Variants in PTGR2 observed in about 807,000 individuals in gnomAD.
The protein encoded by PTGR2 is 15-oxoprostaglandin 13-reductase.
In PTGR2, 32 loss-of-function variants were observed where a neutral mutation model predicts 43.4. The ratio of observed to expected loss-of-function variants is 0.74; its 90% CI spans 0.56 to 0.99. PTGR2 has a LOEUF of 0.99. PTGR2 is among the 50% of genes least tolerant of loss of function. PTGR2 has a pLI of 0.00. For synonymous variants in PTGR2, 106 were observed against 139.2 expected (o/e 0.76, Z 1.68); for missense variants, 373 against 420.0 (o/e 0.89, Z 0.98).
intron 9 of PTGR2, among the ~76,000 whole-genome samples, chr14:73,882,786 C>CA (rs1243981157): frequency 7.0e-6 from 1 of 142,652 alleles, no homozygotes; most frequent in African/African-American, 2.6e-5. Flanking sequence ...AAGCGTGAGC[C>CA]ACCACGCCTG....
At chr14:73,873,230 C>A (rs918492496) in intron 3 of PTGR2, among the ~76,000 whole-genome samples, 5 of 151,732 alleles carry the variant, frequency 3.3e-5, no homozygotes, top group Non-Finnish European at 4.4e-5. Flanking sequence ...TCGCTTGAAC[C>A]CAGGAGGCAG....
At chr14:73,881,832 G>A (rs1243283978) in intron 8 of PTGR2, among the ~76,000 whole-genome samples, 1 of 117,646 alleles carries the variant, frequency 8.5e-6, no homozygotes, top group Non-Finnish European at 1.6e-5. Context: ...CACCCAGGCT[G>A]TAGTGCAGTG....
intron 3 of PTGR2, among the ~76,000 whole-genome samples, chr14:73,863,548 ATTTAT>A (rs2054540059): frequency 6.6e-6 from 1 of 151,624 alleles, no homozygotes; most frequent in Non-Finnish European, 1.5e-5. Context: ...ATAAACTGTT[ATTTAT>A]TTATTTATTT....
chr14:73,852,361 A>C (rs552483440), intron 1 of PTGR2, among the ~76,000 whole-genome samples: 1 of 152,140 alleles, frequency 6.6e-6, no homozygotes, highest in Admixed American at 6.5e-5. Flanking sequence ...TCTCGGGTTC[A>C]AGCGATTCTC....
intron 6 of PTGR2, 172 bp downstream of exon 6, chr14:73,879,477 A>G (rs1468155970): frequency 1.8e-6 from 1 of 557,582 alleles, no homozygotes; most frequent in African/African-American, 1.9e-5. Flanking sequence ...ACCTACTTCC[A>G]TTTACTTGCA....
In PTGR2 at chr14:73,858,915, G is replaced by A. The variant is rs748854723; in HGVS notation, c.37+16G>A. On this transcript the variant is annotated intron_variant, in intron 2 of 9. Coordinates refer to ENST00000555661, the MANE Select transcript of PTGR2 (RefSeq NM_001146154.2). ...TCTCGACCTGGTATGTATTTGCGAT[G>A]AATGAACAACTCTGATCTTTGATAA... The A allele has an allele frequency of 6.3e-7, 1 of 1,599,696 alleles. No homozygotes were observed. The highest frequency in any genetic ancestry group is 8.6e-7 in the Non-Finnish European group (1 of 1,168,220).
At chr14:73,875,448 C>T (rs571128718) in intron 4 of PTGR2, among the ~76,000 whole-genome samples, 4 of 151,976 alleles carry the variant, frequency 2.6e-5, no homozygotes, top group African/African-American at 9.6e-5. Context: ...TGGGTTCAAG[C>T]GATTCTCCTG....
intron 5 of PTGR2, 100 bp downstream of exon 5, chr14:73,877,268 T>G: frequency 8.7e-7 from 1 of 1,151,760 alleles, no homozygotes; most frequent in South Asian, 1.8e-5. Flanking sequence ...AAATATAAAA[T>G]TGGATAAATT....
intron 5 of PTGR2, chr14:73,878,324 G>T (rs1351344318): frequency 6.6e-6 from 1 of 152,060 alleles, no homozygotes; most frequent in East Asian, 1.9e-4. Flanking sequence ...TATGAAATCA[G>T]ATTTAATTTG....
At chr14:73,863,170 A>G (rs2054532443) in intron 3 of PTGR2, among the ~76,000 whole-genome samples, 2 of 152,172 alleles carry the variant, frequency 1.3e-5, no homozygotes, top group South Asian at 4.1e-4. Flanking sequence ...CCCTGAACCT[A>G]TGGTATAATT....
chr14:73,879,309 G>C lies in PTGR2; in HGVS notation c.729+4G>C, dbSNP rs1056924221. 1.9e-6 allele frequency: 3 copies of C among 1,612,174 alleles called. No individual in the cohort carries two copies. Among genetic ancestry groups the C allele is most frequent in the Non-Finnish European group, 2.5e-6 (3 of 1,178,632 alleles). ...CAGTGATACAGTGATAAGTCAGGTTGTTTGCTGATTTCTATAACAAATTTG... is the reference window on the plus strand; with the variant it reads ...CAGTGATACAGTGATAAGTCAGGTTCTTTGCTGATTTCTATAACAAATTTG... On this transcript the variant is annotated splice_donor_region_variant and intron_variant, in intron 6 of 9. Coordinates refer to ENST00000555661, the MANE Select transcript of PTGR2 (RefSeq NM_001146154.2).
Position 73,882,800 on chromosome 14 carries a change from C to CCTTT in PTGR2, c.979+362_979+363insCTTT, listed in dbSNP as rs2055023189. Reference sequence around the variant, plus strand: ...CAAGCGTGAGCCACCACGCCTGGCCCTTTTTTTTTTTTTTTTTTTTTTTTT... The same window carrying CCTTT: ...CAAGCGTGAGCCACCACGCCTGGCCCCTTTTTTTTTTTTTTTTTTTTTTTTTTTT... On this transcript the variant is annotated intron_variant, in intron 9 of 9. Coordinates refer to ENST00000555661, the MANE Select transcript of PTGR2 (RefSeq NM_001146154.2). Among the ~76,000 whole-genome samples the CCTTT allele has an allele frequency of 7.2e-5, 3 of 41,868 alleles. No individual in the cohort carries two copies. The East Asian group carries it at 1.7e-3, about 24-fold the overall frequency. 27.5% of individuals were successfully genotyped at this position (41,868 alleles called of 152,430 possible).
chr14:73,880,070 C>CACAT lies in PTGR2; in HGVS notation c.746_749dup (p.Ile251HisfsTer44). 2 of 1,613,550 alleles carry CACAT rather than the reference C, an allele frequency of 1.2e-6. No homozygotes were observed. Among genetic ancestry groups the CACAT allele is most frequent in the Non-Finnish European group, 1.7e-6 (2 of 1,179,668 alleles). Reference sequence around the variant, plus strand: ...CTCTGTGCAGATGAATGAGAACAGCCACATCATCCTGTGTGGTCAAATTTC... The same window carrying CACAT: ...CTCTGTGCAGATGAATGAGAACAGCCACATACATCATCCTGTGTGGTCAAATTTC... On this transcript the variant is annotated frameshift_variant, in exon 7 of 10. Coordinates refer to ENST00000555661, the MANE Select transcript of PTGR2 (RefSeq NM_001146154.2).
intron 9 of PTGR2, 79 bp downstream of exon 9, chr14:73,882,517 T>C: frequency 9.5e-7 from 1 of 1,057,224 alleles, no homozygotes; most frequent in Non-Finnish European, 1.4e-6. Context: ...TTATTTATTT[T>C]TGAGACGGAG....
intron 3 of PTGR2, among the ~76,000 whole-genome samples, chr14:73,865,317 T>C (rs915665347): frequency 2.0e-5 from 3 of 152,202 alleles, no homozygotes; most frequent in African/African-American, 7.2e-5. Context: ...GGAGTTCTTA[T>C]GTCAGAGGGC....
At chr14:73,862,109 T>C (rs1029276414) in intron 3 of PTGR2, among the ~76,000 whole-genome samples, 10 of 150,496 alleles carry the variant, frequency 6.6e-5, no homozygotes, top group African/African-American at 2.2e-4. Context: ...AAACTGTTCT[T>C]TTTTTTTTGT....
intron 1 of PTGR2, among the ~76,000 whole-genome samples, chr14:73,852,922 T>C (rs56223537): frequency 0.49 from 74,449 of 151,914 alleles, 18,453 homozygotes; most frequent in South Asian, 0.61. Flanking sequence ...GTCTCCTGGG[T>C]TCAGGCAGTT....
intron 8 of PTGR2, among the ~76,000 whole-genome samples, chr14:73,881,665 C>T (rs1385624867): frequency 1.3e-5 from 2 of 152,108 alleles, no homozygotes; most frequent in Non-Finnish European, 2.9e-5. Flanking sequence ...GCTTATACCA[C>T]CATACTTCTT....
rs1280467928 is a variant in PTGR2 at position 73,884,799 on chromosome 14, A to G, written c.*622A>G. The G allele has an allele frequency of 6.6e-6, 1 of 152,160 alleles. No homozygotes were observed. The highest frequency in any genetic ancestry group is 2.4e-5 in the African/African-American group (1 of 41,436). The allele number at this position is 152,160 out of a possible 1,614,324, so 9.4% of individuals were successfully genotyped here. ...GGTTGGGATTAGTATGGGAAGATAA[A>G]TAACTTAGGTTGGTTAAGTTGACAA... On this transcript the variant is annotated 3_prime_UTR_variant, in exon 10 of 10. Transcript: ENST00000555661.
Sources: gnomAD v4.1 joint callset for allele counts (sites outside exome capture counted in the v4.1 genomes callset) on GRCh38, gnomAD v4.1.1 for gene constraint, MANE v1.5 for transcripts, NCBI Gene and HGNC (gene_info 2026-07-23, HGNC 2026-07-21) for gene names.